Variants in NFATC1 observed in about 807,000 individuals in gnomAD.
The protein encoded by NFATC1 is nuclear factor of activated T cells 1, also known as nuclear factor of activated T-cells, cytoplasmic 1.
NFATC1 carries 22 observed loss-of-function variants against 76.0 expected under a neutral mutation model. The observed-to-expected ratio is 0.29, with a 90% CI of 0.21 to 0.41. The LOEUF (loss-of-function observed/expected upper bound fraction) is 0.41. Among genes scored for constraint, NFATC1 ranks in the 10% least tolerant of loss-of-function variants. NFATC1 has a pLI of 1.00. For missense variants in NFATC1, 1,357 were observed against 1,337.7 expected (o/e 1.01, Z -0.23); for synonymous variants, 704 against 613.1 (o/e 1.15, Z -2.19).
rs147615148 is a variant in NFATC1 at position 79,451,085 on chromosome 18, G to A, written c.1721G>A (p.Arg574His). 7.7e-5 allele frequency: 125 copies of A among 1,612,990 alleles called. No homozygotes were observed. In the Middle Eastern group the frequency reaches 1.8e-3, roughly 23 times the overall value. Residue 574 changes from arginine (R) to histidine (H), a missense_variant, in exon 5 of 10, where the codon CGC becomes CAC. By Grantham distance (29) the Arg-to-His change is conservative. Transcript: ENST00000427363. ...FRVHVPQPSG[R>H]TLSLQVASNP... ...GTTCACGTCCCGCAACCCAGCGGCC[G>A]CACGCTGTCCCTGCAGGTGGCCTCC...
At chr18:79,433,445 C>T in intron 2 of NFATC1, 134 bp from the exon 3 acceptor site, 4 of 1,046,478 alleles carry the variant, frequency 3.8e-6, no homozygotes, top group Non-Finnish European at 4.3e-6. Context: ...ACACAGGCTT[C>T]TCCATCTCCA....
At chr18:79,461,091 A>T (rs941476484) in intron 6 of NFATC1, among the ~76,000 whole-genome samples, 3 of 152,226 alleles carry the variant, frequency 2.0e-5, no homozygotes, top group Admixed American at 6.5e-5. Flanking sequence ...CAGCTTCTCC[A>T]GGCTCCCAGG....
chr18:79,488,538 G>A (rs1328305964), intron 9 of NFATC1, among the ~76,000 whole-genome samples: 1 of 152,196 alleles, frequency 6.6e-6, no homozygotes, highest in Admixed American at 6.5e-5. Flanking sequence ...TCCGTGTCCT[G>A]TGCAGATGTC....
rs183369920 is a variant in NFATC1, at chr18:79,485,509, G to A, written c.2093-739G>A. 7.8e-3 allele frequency among the ~76,000 whole-genome samples: 1,182 copies of A among 152,346 alleles called. 8 individuals are homozygous for A. The highest frequency in any genetic ancestry group is 0.014 in the Middle Eastern group (4 of 294). On this transcript the variant is annotated intron_variant, in intron 8 of 9. Coordinates refer to ENST00000427363, the MANE Select transcript of NFATC1 (RefSeq NM_001278669.2). Reference sequence around the variant, plus strand: ...AGCCGGCACAAAGGCTGGGGTGGGCGTGGGCTGGGAGCCGGTGTCGGCTCT... The same window carrying A: ...AGCCGGCACAAAGGCTGGGGTGGGCATGGGCTGGGAGCCGGTGTCGGCTCT...
intron 2 of NFATC1, among the ~76,000 whole-genome samples, chr18:79,420,553 C>T (rs1291901398): frequency 2.0e-5 from 3 of 150,738 alleles, no homozygotes; most frequent in African/African-American, 7.3e-5. Context: ...GAGGGGGATG[C>T]GTTTCCAGGT....
At chr18:79,515,768 G>A (rs1447990031) in intron 9 of NFATC1, 4 of 151,908 alleles carry the variant, frequency 2.6e-5, no homozygotes, top group South Asian at 2.1e-4. Context: ...CACTCTCCTC[G>A]GGGTCCATTC....
At chr18:79,433,759 C>T (rs748937441) in intron 3 of NFATC1, 21 bp downstream of exon 3, 32 of 1,601,400 alleles carry the variant, frequency 2.0e-5, no homozygotes, top group Middle Eastern at 1.7e-4. Context: ...CGGCCAGACT[C>T]GCACGTCACT....
chr18:79,493,414 C>T (rs1049068330), intron 9 of NFATC1: 5 of 152,384 alleles, frequency 3.3e-5, no homozygotes, highest in South Asian at 4.1e-4. Flanking sequence ...GGCCGTCCCT[C>T]GGCGCGGGGC....
chr18:79,422,870 C>T (rs988035183), intron 2 of NFATC1: 8 of 152,062 alleles, frequency 5.3e-5, no homozygotes, highest in South Asian at 2.1e-4. Context: ...CTGGCCCACA[C>T]GTTAACATTT....
chr18:79,494,297 G>A (rs1317942045), intron 9 of NFATC1, among the ~76,000 whole-genome samples: 16 of 134,200 alleles, frequency 1.2e-4, no homozygotes, highest in East Asian at 2.1e-4. Context: ...GAAGGCGAGA[G>A]CGGGCACACG....
chr18:79,468,098 C>T (rs560246866), intron 8 of NFATC1: 18 of 638,714 alleles, frequency 2.8e-5, no homozygotes, highest in Non-Finnish European at 3.5e-5. Context: ...CCTGGGACCA[C>T]GGGCATCCAG....
At chr18:79,504,511 A>G (rs1220956600) in intron 9 of NFATC1, among the ~76,000 whole-genome samples, 1 of 152,126 alleles carries the variant, frequency 6.6e-6, no homozygotes, top group Non-Finnish European at 1.5e-5. Context: ...AACAATGACA[A>G]CAGTAACCCC....
rs768909329 is a variant in NFATC1, at chr18:79,448,874, G to A, written c.1479G>A (p.Gln493=). ...TGCTGCGCCCGCACGCCTTCTACCA[G>A]GTGCACCGCATCACAGGGAAGACCG... ...DRLLRPHAFY[Q]VHRITGKTVS... is the part of the protein sequence containing the mutation. The change falls in exon 4 of 10, where the codon CAG becomes CAA. Residue 493 remains glutamine, a synonymous_variant. Coordinates refer to ENST00000427363, the MANE Select transcript of NFATC1 (RefSeq NM_001278669.2). 1.2e-6 allele frequency: 2 copies of A among 1,613,810 alleles called. No individual in the cohort carries two copies. Among genetic ancestry groups the A allele is most frequent in the Middle Eastern group, 1.6e-4 (1 of 6,062 alleles).
At position 79,416,137 on chromosome 18, in the gene NFATC1, G is replaced by A. The variant is rs544720464; in HGVS notation, c.1226+4636G>A. Reference sequence around the variant, plus strand: ...CAATATTGAAGATTTTAGCATATCGGTCACTTTTCTGCTATGCATAGTATT... The same window carrying A: ...CAATATTGAAGATTTTAGCATATCGATCACTTTTCTGCTATGCATAGTATT... On this transcript the variant is annotated intron_variant, in intron 2 of 9. Coordinates refer to ENST00000427363, the MANE Select transcript of NFATC1 (RefSeq NM_001278669.2). Among the ~76,000 whole-genome samples, 3 of 152,324 alleles carry A rather than the reference G, an allele frequency of 2.0e-5. No individual in the cohort carries two copies. In the South Asian group the frequency reaches 6.2e-4, roughly 32 times the overall value.
chr18:79,412,393 G>T (rs377767269), intron 2 of NFATC1, among the ~76,000 whole-genome samples: 1 of 151,944 alleles, frequency 6.6e-6, no homozygotes, highest in Non-Finnish European at 1.5e-5. Flanking sequence ...CGTTTGCCAC[G>T]CGCAGCCCGG....
chr18:79,505,963 C>A (rs920133375), intron 9 of NFATC1, among the ~76,000 whole-genome samples: 2 of 152,140 alleles, frequency 1.3e-5, no homozygotes, highest in East Asian at 3.9e-4. Context: ...TGTTCTGACA[C>A]CTGCAGTGAT....
At chr18:79,403,020 C>T (rs1007846756) in intron 1 of NFATC1, among the ~76,000 whole-genome samples, 1 of 152,246 alleles carries the variant, frequency 6.6e-6, no homozygotes, top group Non-Finnish European at 1.5e-5. Flanking sequence ...AGGACGTGGC[C>T]GGCCCTGAGC....
In NFATC1 at chr18:79,468,028, T is replaced by C. The variant is rs951824682; in HGVS notation, c.2092+446T>C. 3 of 982,552 alleles carry C rather than the reference T, an allele frequency of 3.1e-6. No individual in the cohort carries two copies. The Admixed American group carries it at 1.8e-4, about 60-fold the overall frequency. The allele number at this position is 982,552 out of a possible 1,614,324, so 60.9% of individuals were successfully genotyped here. On this transcript the variant is annotated intron_variant, in intron 8 of 9. Coordinates refer to ENST00000427363, the MANE Select transcript of NFATC1 (RefSeq NM_001278669.2). The stretch of plus-strand genomic sequence containing the variant: ...GTCCTGATGTGGTCTTTAAGGATGG[T>C]GAATGAGCTTTGTGCTGGGCGGACG...
At chr18:79,456,697 C>T (rs2087746790) in intron 6 of NFATC1, among the ~76,000 whole-genome samples, 1 of 152,076 alleles carries the variant, frequency 6.6e-6, no homozygotes, top group African/African-American at 2.4e-5. Flanking sequence ...GGCAGAGGAG[C>T]GGGCCGAGGA....
Sources: gnomAD v4.1 joint callset for allele counts (sites outside exome capture counted in the v4.1 genomes callset) on GRCh38, gnomAD v4.1.1 for gene constraint, MANE v1.5 for transcripts, NCBI Gene and HGNC (gene_info 2026-07-23, HGNC 2026-07-21) for gene names.